The following DEPDC1 variants were observed in gnomAD, a reference collection of about 807,000 sequenced individuals.
DEPDC1 encodes DEP domain-containing protein 1A.
In DEPDC1, 66 loss-of-function variants were observed where a neutral mutation model predicts 86.8. The ratio of observed to expected loss-of-function variants is 0.76; its 90% CI spans 0.62 to 0.93. The LOEUF (loss-of-function observed/expected upper bound fraction) is 0.93, where lower values mean the gene tolerates loss of function less well. Ranked by LOEUF, DEPDC1 falls within the 40% of genes least tolerant of loss-of-function variation. The pLI is 0.00. For missense variants in DEPDC1, 792 were observed against 935.7 expected (o/e 0.85, Z 2.00); for synonymous variants, 255 against 314.9 (o/e 0.81, Z 2.02).
rs1409181911 is a variant in DEPDC1 at position 68,482,552 on chromosome 1, C to T, written c.1256G>A (p.Arg419Lys). The change falls in exon 8 of 12, where the codon AGG becomes AAG. Residue 419 changes from arginine (R) to lysine (K), a missense_variant. By Grantham distance (26) the Arg-to-Lys change is conservative. Coordinates refer to ENST00000456315, the MANE Select transcript of DEPDC1 (RefSeq NM_001114120.3). ...MHDLSSNSKP[R>K]CCSLEGIVDV... ...TACAATTCCTTCCAAAGAACAGCAC[C>T]TTGGTTTGCTGTTAGAGGATAGATC... The T allele has an allele frequency of 6.2e-7, 1 of 1,613,156 alleles. No individual in the cohort carries two copies. The highest frequency in any genetic ancestry group is 8.5e-7 in the Non-Finnish European group (1 of 1,179,356).
At chr1:68,489,756 AC>A (rs34593668) in intron 2 of DEPDC1, 148 bp from the exon 3 acceptor site, 40,814 of 542,952 alleles carry the variant, frequency 0.075, 1,968 homozygotes, top group Non-Finnish European at 0.097. Flanking sequence ...TTCCCATTAA[AC>A]CTTTAAAAAA....
chr1:68,475,278 T>TATTA lies in DEPDC1; in HGVS notation c.*1650_*1653dup, dbSNP rs929324572. The TATTA allele has an allele frequency of 2.0e-5, 3 of 151,978 alleles. No individual in the cohort carries two copies. The highest frequency in any genetic ancestry group is 2.0e-4 in the Admixed American group (3 of 15,230). 9.4% of individuals were successfully genotyped at this position (151,978 alleles called of 1,614,324 possible). A position where few individuals can be genotyped will look rare whatever the true frequency, so the allele number is the denominator to read the frequency against. ...AGTGCAAATGAAAGTTGCCTGCCTT[T>TATTA]ATTATTTATATATTTGTCTATAATA... On this transcript the variant is annotated 3_prime_UTR_variant, in exon 12 of 12. Transcript: ENST00000456315.
chr1:68,474,295 G>A lies in DEPDC1; in HGVS notation c.*2637C>T, dbSNP rs1323171267. 1 of 152,052 alleles carries A rather than the reference G, an allele frequency of 6.6e-6. No individual in the cohort carries two copies. The highest frequency in any genetic ancestry group is 2.4e-5 in the African/African-American group (1 of 41,422). 9.4% of individuals were successfully genotyped at this position (152,052 alleles called of 1,614,324 possible). ...TTCACTACAATCACAACTCAGTTAG[G>A]TAGATACTTTAATTCACATTTTACA... On this transcript the variant is annotated 3_prime_UTR_variant, in exon 12 of 12. Coordinates refer to ENST00000456315, the MANE Select transcript of DEPDC1 (RefSeq NM_001114120.3).
rs1446369134 is a variant in DEPDC1, at chr1:68,477,941, G to A, written c.2144C>T (p.Pro715Leu). The A allele has an allele frequency of 3.9e-6, 6 of 1,554,320 alleles. No individual in the cohort carries two copies. The highest frequency in any genetic ancestry group is 1.3e-5 in the South Asian group (1 of 76,894). The change falls in exon 11 of 12, where the codon CCT becomes CTT. Residue 715 changes from proline to leucine, a missense_variant. Coordinates refer to ENST00000456315, the MANE Select transcript of DEPDC1 (RefSeq NM_001114120.3). ...IENPGDGLFA[P>L]LPTYSYCKQI... ...CTTACAGTATGAGTAAGTTGGCAAAGGAGCAAATAGTCCATCTCCAGGATT... is the reference window on the plus strand; with the variant it reads ...CTTACAGTATGAGTAAGTTGGCAAAAGAGCAAATAGTCCATCTCCAGGATT...
intron 6 of DEPDC1, among the ~76,000 whole-genome samples, chr1:68,486,535 C>T (rs943519710): frequency 3.1e-4 from 47 of 151,666 alleles, no homozygotes; most frequent in African/African-American, 1.1e-3. Context: ...TTTTTCATAA[C>T]ATAAAGTCAC....
Position 68,496,871 on chromosome 1 carries a change from G to T in DEPDC1, c.48+81C>A. 1 of 1,445,144 alleles carries T rather than the reference G, an allele frequency of 6.9e-7. No homozygotes were observed. Among genetic ancestry groups the T allele is most frequent in the Non-Finnish European group, 9.6e-7 (1 of 1,038,268 alleles). 89.5% of individuals were successfully genotyped at this position (1,445,144 alleles called of 1,614,324 possible). ...TCATCCCTCCGACCGAGGTAAAACT[G>T]CGAACGGTCGAGGTAAAACTGCGAA... On this transcript the variant is annotated intron_variant, in intron 1 of 11. Transcript: ENST00000456315. The surrounding 1 kb of genome is among the most constrained non-coding windows in gnomAD (Gnocchi z 4.0).
chr1:68,486,541 G>A (rs1308766274), intron 6 of DEPDC1, among the ~76,000 whole-genome samples: 2 of 151,468 alleles, frequency 1.3e-5, no homozygotes, highest in Non-Finnish European at 2.9e-5. Flanking sequence ...ATAACATAAA[G>A]TCACATTAAT....
At chr1:68,487,074 A>G in intron 5 of DEPDC1, 90 bp from the exon 6 acceptor site, 1 of 1,157,774 alleles carries the variant, frequency 8.6e-7, no homozygotes, top group Non-Finnish European at 1.2e-6. Context: ...AATTATATAT[A>G]TGTATATACA....
Position 68,479,294 on chromosome 1 carries a change from C to T in DEPDC1, c.1962G>A (p.Val654=). The change falls in exon 10 of 12, where the codon GTG becomes GTA. Residue 654 remains valine, a synonymous_variant. Coordinates refer to ENST00000456315, the MANE Select transcript of DEPDC1 (RefSeq NM_001114120.3). ...SLMIHTFSRC[V]LCCAEEVDLD... is the part of the protein sequence containing the mutation. ...GATCCACTTCTTCAGCACAGCATAA[C>T]ACACATCGAGAAAAGGTATGTATCA... is the stretch of plus-strand genomic sequence containing the variant. 7 of 1,606,460 alleles carry T rather than the reference C, an allele frequency of 4.4e-6. No homozygotes were observed. The highest frequency in any genetic ancestry group is 1.7e-4 in the Middle Eastern group (1 of 6,000).
intron 2 of DEPDC1, among the ~76,000 whole-genome samples, 187 bp from the exon 3 acceptor site, chr1:68,489,795 T>G (rs1371942103): frequency 6.6e-6 from 1 of 152,026 alleles, no homozygotes. Flanking sequence ...TTTAGTATAT[T>G]GTGTATATTT....
At position 68,482,733 on chromosome 1, in the gene DEPDC1, AT is replaced by A; in HGVS notation, c.1074del (p.Glu358AspfsTer10). 1.2e-6 allele frequency: 2 copies of A among 1,612,540 alleles called. No homozygotes were observed. The highest frequency in any genetic ancestry group is 1.3e-5 in the African/African-American group (1 of 74,914). ...ATCTGTAGTCTCTCAGTAGAATCTG[AT>A]TCTTCTTTGTTTTTTTCTCTATGAA... is the stretch of plus-strand genomic sequence containing the variant. ...SLLHREKNKE[E>X]SDSTERLQIS... is the part of the protein sequence containing the mutation. On this transcript the variant is annotated frameshift_variant, in exon 8 of 12. Coordinates refer to ENST00000456315, the MANE Select transcript of DEPDC1 (RefSeq NM_001114120.3). LOFTEE classifies it high-confidence loss of function.
In DEPDC1 at chr1:68,497,050, C is replaced by G; in HGVS notation, c.-51G>C. The G allele has an allele frequency of 6.3e-7, 1 of 1,599,182 alleles. No homozygotes were observed. Among genetic ancestry groups the G allele is most frequent in the Non-Finnish European group, 8.6e-7 (1 of 1,169,102 alleles). On this transcript the variant is annotated 5_prime_UTR_variant, in exon 1 of 12. Coordinates refer to ENST00000456315, the MANE Select transcript of DEPDC1 (RefSeq NM_001114120.3). ...CATGGCGGCGAAGGCGACACTCAGG[C>G]CCAGCGGCCGCGGCAGTGGCGAGTC...
intron 7 of DEPDC1, chr1:68,483,388 C>T: frequency 4.1e-6 from 2 of 488,290 alleles, no homozygotes; most frequent in South Asian, 3.0e-5. Flanking sequence ...GAGGGCCGGC[C>T]ATGGTTTGAA....
intron 9 of DEPDC1, 126 bp downstream of exon 9, chr1:68,481,314 C>G: frequency 1.2e-6 from 1 of 830,270 alleles, no homozygotes; most frequent in Non-Finnish European, 1.9e-6. Context: ...GGTTAAAGAG[C>G]CTTTCCAACC....
chr1:68,478,897 T>C (rs1646134841), intron 10 of DEPDC1, among the ~76,000 whole-genome samples: 1 of 151,980 alleles, frequency 6.6e-6, no homozygotes. Context: ...CTCATGAACT[T>C]CAACTAGCCA....
chr1:68,488,720 G>A (rs1646209838), intron 4 of DEPDC1, among the ~76,000 whole-genome samples, 196 bp downstream of exon 4: 1 of 151,626 alleles, frequency 6.6e-6, no homozygotes, highest in Non-Finnish European at 1.5e-5. Flanking sequence ...TCAAAGAAAA[G>A]GTGAATCATA....
In DEPDC1 at chr1:68,496,982, C is replaced by G. The variant is rs138446456; in HGVS notation, c.18G>C (p.Val6=). 2.5e-6 allele frequency: 4 copies of G among 1,613,364 alleles called. No individual in the cohort carries two copies. The African/African-American group carries it at 4.0e-5, about 16-fold the overall frequency. Residue 6 remains valine, a synonymous_variant, in exon 1 of 12, where the codon GTG becomes GTC. Coordinates refer to ENST00000456315, the MANE Select transcript of DEPDC1 (RefSeq NM_001114120.3). This position sits in a 1 kb window ranked among gnomAD's most constrained non-coding sequence, Gnocchi z 4.0. MESQG[V]PPGPYRATKL... is the part of the protein sequence containing the mutation. ...TGGTGGCCCGATAAGGCCCGGGAGG[C>G]ACACCCTGACTCTCCATAGGTCTGT...
At position 68,496,792 on chromosome 1, in the gene DEPDC1, A is replaced by C. The variant is rs187600059; in HGVS notation, c.48+160T>G. ...GAGCGGTGAGTCTGGCAAGGGTTGC[A>C]TACCCGCTACTTCTCCTCGCCAGCC... On this transcript the variant is annotated intron_variant, in intron 1 of 11. Coordinates refer to ENST00000456315, the MANE Select transcript of DEPDC1 (RefSeq NM_001114120.3). This position sits in a 1 kb window ranked among gnomAD's most constrained non-coding sequence, Gnocchi z 4.0. 1.3e-4 allele frequency: 91 copies of C among 712,528 alleles called. No individual in the cohort carries two copies. The highest frequency in any genetic ancestry group is 2.5e-4 in the Middle Eastern group (1 of 3,976). 44.1% of individuals were successfully genotyped at this position (712,528 alleles called of 1,614,324 possible).
chr1:68,491,703 T>G (rs1393001436), intron 2 of DEPDC1, among the ~76,000 whole-genome samples: 1 of 152,194 alleles, frequency 6.6e-6, no homozygotes, highest in Non-Finnish European at 1.5e-5. Context: ...GCTTTTATAC[T>G]TTTAATAAAT....
Sources: gnomAD v4.1 joint callset for allele counts (sites outside exome capture counted in the v4.1 genomes callset) on GRCh38, gnomAD v4.1.1 for gene constraint, Gnocchi (gnomAD v3.1) non-coding constraint, MANE v1.5 for transcripts, NCBI Gene and HGNC (gene_info 2026-07-23, HGNC 2026-07-21) for gene names.